Variants in GALNT11 observed in about 807,000 individuals in gnomAD.
GALNT11 encodes UDP-GalNAc:polypeptide N-acetylgalactosaminyltransferase 11.
A neutral mutation model predicts 72.7 loss-of-function variants in GALNT11; 47 were observed. The ratio of observed to expected loss-of-function variants is 0.65; its 90% CI spans 0.51 to 0.82. GALNT11 has a LOEUF of 0.82. Among genes scored for constraint, GALNT11 ranks in the 40% least tolerant of loss-of-function variants. The pLI, the probability that GALNT11 is intolerant of heterozygous loss-of-function variation, is 0.00. For synonymous variants in GALNT11, 270 were observed against 286.6 expected (o/e 0.94, Z 0.58); for missense variants, 677 against 778.4 (o/e 0.87, Z 1.55).
At chr7:152,062,877 T>G (rs1006768250) in intron 1 of GALNT11, among the ~76,000 whole-genome samples, 1 of 152,258 alleles carries the variant, frequency 6.6e-6, no homozygotes, top group Admixed American at 6.5e-5. Flanking sequence ...AAGTATTTTA[T>G]TGAGGATTTT....
intron 5 of GALNT11, among the ~76,000 whole-genome samples, chr7:152,106,294 A>T (rs1269231103): frequency 6.6e-6 from 1 of 152,184 alleles, no homozygotes; most frequent in African/African-American, 2.4e-5. Flanking sequence ...ACGCTCTCCT[A>T]GATAACCTGC....
rs188662843 is a variant in GALNT11 at position 152,090,405 on chromosome 7, G to T, written c.-38-3785G>T. On this transcript the variant is annotated intron_variant, in intron 1 of 11. Transcript: ENST00000430044. ...TATTTTTCTTAATTCATAGTTTGTG[G>T]TCATGTTTTCTAATATAGGCATCAA... Among the ~76,000 whole-genome samples, 212 of 152,094 alleles carry T rather than the reference G, an allele frequency of 1.4e-3. 1 individual carries two copies. Among genetic ancestry groups the T allele is most frequent in the African/African-American group, 4.8e-3 (198 of 41,466 alleles).
chr7:152,055,471 C>A (rs2083614206), intron 1 of GALNT11, among the ~76,000 whole-genome samples: 1 of 150,578 alleles, frequency 6.6e-6, no homozygotes, highest in Non-Finnish European at 1.5e-5. Context: ...CCAGAAAATT[C>A]TGACTTCTCA....
intron 5 of GALNT11, among the ~76,000 whole-genome samples, chr7:152,105,907 G>C (rs984911438): frequency 2.6e-5 from 4 of 152,264 alleles, no homozygotes; most frequent in Admixed American, 2.6e-4. Context: ...CAAGGAGCAA[G>C]TCTCCGTTGT....
intron 1 of GALNT11, among the ~76,000 whole-genome samples, chr7:152,082,862 A>G (rs958209746): frequency 1.3e-5 from 2 of 152,186 alleles, no homozygotes; most frequent in Non-Finnish European, 2.9e-5. Context: ...TGATATTTCA[A>G]TGTAATTTAA....
chr7:152,054,677 A>G (rs563818255), intron 1 of GALNT11, among the ~76,000 whole-genome samples: 2 of 149,596 alleles, frequency 1.3e-5, no homozygotes, highest in East Asian at 3.9e-4. Context: ...ATGTCTGGCT[A>G]ATTTTTTTTT....
chr7:152,067,282 G>T (rs1329921581), intron 1 of GALNT11, among the ~76,000 whole-genome samples: 1 of 152,196 alleles, frequency 6.6e-6, no homozygotes, highest in Non-Finnish European at 1.5e-5. Flanking sequence ...CCACTGTAAA[G>T]TTTCTCCCCA....
intron 1 of GALNT11, among the ~76,000 whole-genome samples, chr7:152,086,865 C>T (rs1394408123): frequency 6.6e-6 from 1 of 151,960 alleles, no homozygotes; most frequent in African/African-American, 2.4e-5. Flanking sequence ...GTACCTTTTC[C>T]AAAAATAAAC....
intron 1 of GALNT11, among the ~76,000 whole-genome samples, chr7:152,092,539 C>G (rs190995806): frequency 9.9e-5 from 15 of 152,140 alleles, no homozygotes; most frequent in Admixed American, 7.2e-4. Flanking sequence ...TGGTATGTTA[C>G]TGTTGTTTTG....
chr7:152,111,645 T>TATATATATA (rs200988785), intron 7 of GALNT11, among the ~76,000 whole-genome samples: 3 of 129,352 alleles, frequency 2.3e-5, no homozygotes, highest in African/African-American at 1.1e-4. Context: ...TATATATATA[T>TATATATATA]TTTTTTAAAT....
rs776701797 is a variant in GALNT11, at chr7:152,105,347, T to C, written c.689T>C (p.Met230Thr). The C allele has an allele frequency of 2.5e-6, 4 of 1,613,612 alleles. No individual in the cohort carries two copies. Among genetic ancestry groups the C allele is most frequent in the South Asian group, 2.2e-5 (2 of 90,928 alleles). The change falls in exon 5 of 12, where the codon ATG becomes ACG. Residue 230 changes from methionine (M) to threonine (T), a missense_variant. By Grantham distance (81) the Met-to-Thr change is moderately conservative. Transcript: ENST00000430044. ...CGTGAGGGGTTGATTCGAGGGAGAA[T>C]GATTGGCGCGGCCCACGCGACAGGT... is the stretch of plus-strand genomic sequence containing the variant. ...TKREGLIRGR[M>T]IGAAHATGEV...
chr7:152,072,327 A>G (rs959263959), intron 1 of GALNT11, among the ~76,000 whole-genome samples: 27 of 151,838 alleles, frequency 1.8e-4, no homozygotes, highest in African/African-American at 4.1e-4. Context: ...AAAAAAAAAA[A>G]AAAAAGAAAA....
At chr7:152,027,119 G>A (rs930877740) in intron 1 of GALNT11, among the ~76,000 whole-genome samples, 28 of 152,132 alleles carry the variant, frequency 1.8e-4, no homozygotes, top group African/African-American at 6.7e-4. Flanking sequence ...CGTGGTGGCA[G>A]GCGCCTGTAA....
At chr7:152,079,849 A>G (rs977008583) in intron 1 of GALNT11, among the ~76,000 whole-genome samples, 1 of 152,250 alleles carries the variant, frequency 6.6e-6, no homozygotes, top group Non-Finnish European at 1.5e-5. Context: ...GAGTTAAAAT[A>G]TGAGTGTGCC....
chr7:152,116,481 C>T (rs549373761), intron 8 of GALNT11, among the ~76,000 whole-genome samples: 3 of 152,250 alleles, frequency 2.0e-5, no homozygotes, highest in Middle Eastern at 3.4e-3. Flanking sequence ...TTAAGTGATC[C>T]GCCTGCCTTG....
At chr7:152,030,098 C>G (rs182492248) in intron 1 of GALNT11, among the ~76,000 whole-genome samples, 1 of 151,984 alleles carries the variant, frequency 6.6e-6, no homozygotes, top group Non-Finnish European at 1.5e-5. Flanking sequence ...TGTGCGGAGA[C>G]GAGAGAGTGT....
intron 1 of GALNT11, among the ~76,000 whole-genome samples, chr7:152,091,960 A>C (rs991468598): frequency 1.3e-5 from 2 of 152,096 alleles, no homozygotes; most frequent in Middle Eastern, 3.2e-3. Context: ...CCCTTTTGTG[A>C]GGGCCAAGCA....
At chr7:152,121,280 C>T (rs1033445624) in intron 11 of GALNT11, among the ~76,000 whole-genome samples, 2 of 152,146 alleles carry the variant, frequency 1.3e-5, no homozygotes, top group Non-Finnish European at 2.9e-5. Context: ...ACTGAGAAGG[C>T]GGAGGTGGGC....
At chr7:152,105,184 C>T (rs2087398792) in intron 4 of GALNT11, 61 bp from the exon 5 acceptor site, 1 of 1,528,366 alleles carries the variant, frequency 6.5e-7, no homozygotes, top group Non-Finnish European at 8.8e-7. Flanking sequence ...TTTAGAATAG[C>T]TGTAAAGTGT....
Sources: allele counts gnomAD v4.1 joint callset (sites outside exome capture counted in the v4.1 genomes callset), GRCh38; gene constraint gnomAD v4.1.1; transcripts MANE v1.5; gene names NCBI Gene and HGNC (gene_info 2026-07-23, HGNC 2026-07-21).